Variants in ST6GALNAC5 observed in about 807,000 individuals in gnomAD.
ST6GALNAC5 encodes the protein alpha-N-acetylgalactosaminide alpha-2,6-sialyltransferase 5.
In ST6GALNAC5, 27 loss-of-function variants were observed where a neutral mutation model predicts 33.6. The ratio of observed to expected loss-of-function variants is 0.80; its 90% CI spans 0.59 to 1.11. ST6GALNAC5 has a LOEUF of 1.11. ST6GALNAC5 is among the 50% of genes least tolerant of loss of function. The pLI, the probability that ST6GALNAC5 is intolerant of heterozygous loss-of-function variation, is 0.00. For synonymous variants in ST6GALNAC5, 194 were observed against 171.2 expected (o/e 1.13, Z -1.04); for missense variants, 428 against 454.0 (o/e 0.94, Z 0.52).
At chr1:76,974,364 C>T (rs898586804) in intron 2 of ST6GALNAC5, among the ~76,000 whole-genome samples, 1 of 151,894 alleles carries the variant, frequency 6.6e-6, no homozygotes, top group Non-Finnish European at 1.5e-5. Context: ...CATCACCACA[C>T]TCAGTTGATT....
At chr1:76,969,445 C>T (rs1459335434) in intron 2 of ST6GALNAC5, among the ~76,000 whole-genome samples, 2 of 152,206 alleles carry the variant, frequency 1.3e-5, no homozygotes, top group Non-Finnish European at 2.9e-5. Context: ...AGTCTGAGAT[C>T]AACCTGCAAG....
chr1:76,899,241 A>G (rs564479821), intron 2 of ST6GALNAC5, among the ~76,000 whole-genome samples: 6 of 152,144 alleles, frequency 3.9e-5, no homozygotes, highest in Admixed American at 2.6e-4. Flanking sequence ...AAGGGAGAAG[A>G]AGGAGGAATG....
At chr1:76,876,609 A>T (rs1430944654) in intron 2 of ST6GALNAC5, among the ~76,000 whole-genome samples, 1 of 151,996 alleles carries the variant, frequency 6.6e-6, no homozygotes, top group African/African-American at 2.4e-5. Context: ...ATCCAGCCAA[A>T]CCATTGGCTA....
At chr1:77,005,172 G>A (rs1047492066) in intron 2 of ST6GALNAC5, among the ~76,000 whole-genome samples, 1 of 152,272 alleles carries the variant, frequency 6.6e-6, no homozygotes, top group Non-Finnish European at 1.5e-5. Context: ...CTCCAAGCCA[G>A]GTGCGGGATA....
intron 2 of ST6GALNAC5, among the ~76,000 whole-genome samples, chr1:76,944,945 G>T (rs1339636600): frequency 6.6e-6 from 1 of 152,106 alleles, no homozygotes; most frequent in African/African-American, 2.4e-5. Flanking sequence ...GAAATAAGGG[G>T]TTTGGAGGCT....
rs1649439577 is a variant in ST6GALNAC5, at chr1:76,985,234, T to C, written c.262-58970T>C. Among the ~76,000 whole-genome samples the C allele has an allele frequency of 2.6e-5, 4 of 152,220 alleles. No homozygotes were observed. In the South Asian group the frequency reaches 8.3e-4, roughly 32 times the overall value. On this transcript the variant is annotated intron_variant, in intron 2 of 4. Coordinates refer to ENST00000477717, the MANE Select transcript of ST6GALNAC5 (RefSeq NM_030965.3). ...AAGAGGAAGTCAAATTGTCCCTTTT[T>C]GAAGATGACATGATTGTATATTTAG...
chr1:76,922,812 T>A (rs1647047593), intron 2 of ST6GALNAC5, among the ~76,000 whole-genome samples: 1 of 151,872 alleles, frequency 6.6e-6, no homozygotes, highest in East Asian at 1.9e-4. Flanking sequence ...GACACGCACC[T>A]GTGGTCCCAG....
intron 2 of ST6GALNAC5, among the ~76,000 whole-genome samples, chr1:76,916,093 G>GA (rs1368809289): frequency 2.0e-5 from 3 of 151,814 alleles, no homozygotes; most frequent in Non-Finnish European, 4.4e-5. Flanking sequence ...TAGTTTTTAG[G>GA]AAAAAAGTAT....
intron 2 of ST6GALNAC5, among the ~76,000 whole-genome samples, chr1:76,929,265 G>C (rs1647113657): frequency 6.6e-6 from 1 of 152,104 alleles, no homozygotes; most frequent in African/African-American, 2.4e-5. Context: ...AGATGTCCAG[G>C]TGCAGGGACT....
At chr1:76,974,933 G>A (rs1468203644) in intron 2 of ST6GALNAC5, among the ~76,000 whole-genome samples, 1 of 151,264 alleles carries the variant, frequency 6.6e-6, no homozygotes, top group East Asian at 1.9e-4. Flanking sequence ...TTACAGGCAT[G>A]CACCACCATG....
At position 76,939,422 on chromosome 1, in the gene ST6GALNAC5, C is replaced by T. The variant is rs540112874; in HGVS notation, c.261+70680C>T. ...CCAGAGCAAAATCAGGACCCACTGT[C>T]GATGGAAATGCTGTTTCCAGAACAG... On this transcript the variant is annotated intron_variant, in intron 2 of 4. Transcript: ENST00000477717. Among the ~76,000 whole-genome samples, 7 of 152,124 alleles carry T rather than the reference C, an allele frequency of 4.6e-5. No homozygotes were observed. The South Asian group carries it at 8.3e-4, about 18-fold the overall frequency.
At chr1:76,875,753 A>G (rs1653624113) in intron 2 of ST6GALNAC5, among the ~76,000 whole-genome samples, 1 of 152,034 alleles carries the variant, frequency 6.6e-6, no homozygotes, top group Admixed American at 6.5e-5. Context: ...GCTATGGGAG[A>G]AACAGTACCA....
At chr1:76,973,167 T>C (rs958836193) in intron 2 of ST6GALNAC5, among the ~76,000 whole-genome samples, 10 of 152,230 alleles carry the variant, frequency 6.6e-5, no homozygotes, top group Admixed American at 5.9e-4. Context: ...TCTTTGTATA[T>C]GGTAGAATTT....
At chr1:77,034,773 C>G (rs1651589450) in intron 2 of ST6GALNAC5, among the ~76,000 whole-genome samples, 1 of 152,200 alleles carries the variant, frequency 6.6e-6, no homozygotes, top group Admixed American at 6.5e-5. Context: ...TCTTATTTGT[C>G]TGTTTCCTTA....
At chr1:77,027,523 C>T (rs542849998) in intron 2 of ST6GALNAC5, among the ~76,000 whole-genome samples, 1 of 152,036 alleles carries the variant, frequency 6.6e-6, no homozygotes, top group Non-Finnish European at 1.5e-5. Context: ...TAATTCAGGG[C>T]AGAGATGGTG....
intron 2 of ST6GALNAC5, among the ~76,000 whole-genome samples, chr1:77,042,726 G>A (rs1651873085): frequency 1.3e-5 from 2 of 152,312 alleles, no homozygotes; most frequent in Non-Finnish European, 2.9e-5. Context: ...ACCGTATGCA[G>A]TTGCTATTTT....
chr1:77,001,145 G>T (rs1425332147), intron 2 of ST6GALNAC5, among the ~76,000 whole-genome samples: 1 of 149,968 alleles, frequency 6.7e-6, no homozygotes, highest in Non-Finnish European at 1.5e-5. Context: ...TCTTCCATTT[G>T]TTTGTATCCT....
chr1:76,904,948 G>T (rs970399233), intron 2 of ST6GALNAC5, among the ~76,000 whole-genome samples: 1 of 152,150 alleles, frequency 6.6e-6, no homozygotes. Flanking sequence ...CCTTGTGGGG[G>T]GCTGTGAATG....
At chr1:77,009,740 G>A (rs1207262891) in intron 2 of ST6GALNAC5, among the ~76,000 whole-genome samples, 1 of 152,094 alleles carries the variant, frequency 6.6e-6, no homozygotes, top group Non-Finnish European at 1.5e-5. Context: ...CTCCCCCTGA[G>A]GAAATCATAA....
Sources: gnomAD v4.1 joint callset for allele counts (sites outside exome capture counted in the v4.1 genomes callset) on GRCh38, gnomAD v4.1.1 for gene constraint, MANE v1.5 for transcripts, NCBI Gene and HGNC (gene_info 2026-07-23, HGNC 2026-07-21) for gene names.